MYO1E: variants seen among roughly 807,000 people sequenced by gnomAD.
MYO1E encodes myosin IE, also known as unconventional myosin-Ie.
A neutral mutation model predicts 151.1 loss-of-function variants in MYO1E; 68 were observed. The observed-to-expected ratio is 0.45, with a 90% CI of 0.37 to 0.55. The LOEUF is 0.55. Among genes scored for constraint, MYO1E ranks in the 20% least tolerant of loss-of-function variants. MYO1E has a pLI of 0.00. For synonymous variants in MYO1E, 601 were observed against 501.7 expected (o/e 1.20, Z -2.64); for missense variants, 1,363 against 1,389.3 (o/e 0.98, Z 0.30).
At chr15:59,261,980 T>C (rs776106557) in intron 2 of MYO1E, among the ~76,000 whole-genome samples, 1 of 151,858 alleles carries the variant, frequency 6.6e-6, no homozygotes, top group Non-Finnish European at 1.5e-5. Context: ...GGTGGGGAGA[T>C]CATTTGAGGT....
chr15:59,251,709 G>A (rs77757303), intron 4 of MYO1E, among the ~76,000 whole-genome samples: 2,500 of 152,280 alleles, frequency 0.016, 59 homozygotes, highest in African/African-American at 0.056. Flanking sequence ...CAGTGCTCAT[G>A]TTTTGCAGTA....
In MYO1E at chr15:59,137,200, G is replaced by A; in HGVS notation, c.*180C>T. On this transcript the variant is annotated 3_prime_UTR_variant, in exon 28 of 28. Transcript: ENST00000288235. ...GCTACCTTTTAGGATCACTTATGGAGTGATACTCCCTGTCCCCAACCCAGC... is the reference window on the plus strand; with the variant it reads ...GCTACCTTTTAGGATCACTTATGGAATGATACTCCCTGTCCCCAACCCAGC... 3.1e-6 allele frequency: 2 copies of A among 649,478 alleles called. No homozygotes were observed. The highest frequency in any genetic ancestry group is 2.8e-6 in the Non-Finnish European group (1 of 359,956). The allele number at this position is 649,478 out of a possible 1,614,324, so 40.2% of individuals were successfully genotyped here.
chr15:59,295,421 G>T (rs1206796066), intron 1 of MYO1E, among the ~76,000 whole-genome samples: 1 of 152,160 alleles, frequency 6.6e-6, no homozygotes, highest in Non-Finnish European at 1.5e-5. Flanking sequence ...CCTCGGTTAA[G>T]TAGGAAAATA....
chr15:59,372,204 C>G (rs545574773), intron 1 of MYO1E, among the ~76,000 whole-genome samples: 1 of 152,178 alleles, frequency 6.6e-6, no homozygotes, highest in East Asian at 1.9e-4. Context: ...CCCCTCGCAG[C>G]CGATGCGCCC....
chr15:59,181,163 T>C lies in MYO1E; in HGVS notation c.1905-2626A>G, dbSNP rs146765121. Among the ~76,000 whole-genome samples the C allele has an allele frequency of 1.4e-4, 21 of 152,296 alleles. No individual in the cohort carries two copies. In the East Asian group the frequency reaches 1.9e-3, roughly 14 times the overall value. On this transcript the variant is annotated intron_variant, in intron 18 of 27. Transcript: ENST00000288235. ...CTTTCCTGGGCTTCCTATTCCTCCT[T>C]CTCTCTTGCCCGTGAAGTGGAACGC... is the stretch of plus-strand genomic sequence containing the variant.
chr15:59,282,314 C>T (rs1422295184), intron 1 of MYO1E, among the ~76,000 whole-genome samples: 1 of 152,180 alleles, frequency 6.6e-6, no homozygotes, highest in African/African-American at 2.4e-5. Context: ...AAGCCCCCTG[C>T]TCTGTCTAGA....
At chr15:59,151,830 G>A (rs762322807) in intron 26 of MYO1E, among the ~76,000 whole-genome samples, 4 of 151,948 alleles carry the variant, frequency 2.6e-5, no homozygotes, top group African/African-American at 9.7e-5. Flanking sequence ...GGTGGATCAC[G>A]AGGTCAGGAG....
chr15:59,210,404 T>G (rs1407732564), intron 13 of MYO1E, 110 bp downstream of exon 13: 1 of 801,062 alleles, frequency 1.2e-6, no homozygotes, highest in African/African-American at 1.7e-5. Context: ...TCAAATTCTC[T>G]GCAAATCAGA....
intron 14 of MYO1E, chr15:59,207,908 C>A: frequency 6.2e-7 from 1 of 1,614,136 alleles, no homozygotes; most frequent in South Asian, 1.1e-5. Context: ...CATCCAGTTT[C>A]CACCATAATT....
At chr15:59,139,300 AC>A (rs1414701937) in intron 26 of MYO1E, among the ~76,000 whole-genome samples, 2 of 25,056 alleles carry the variant, frequency 8.0e-5, no homozygotes, top group Non-Finnish European at 1.3e-4. Context: ...CTTCCCTCCC[AC>A]CCCCCTCATT....
intron 1 of MYO1E, among the ~76,000 whole-genome samples, chr15:59,365,704 A>C (rs1392476395): frequency 6.6e-6 from 1 of 152,230 alleles, no homozygotes; most frequent in Non-Finnish European, 1.5e-5. Context: ...AAAGTGCTAT[A>C]AATGAATTTG....
At chr15:59,329,866 CA>C (rs2140422363) in intron 1 of MYO1E, among the ~76,000 whole-genome samples, 1 of 152,284 alleles carries the variant, frequency 6.6e-6, no homozygotes, top group African/African-American at 2.4e-5. Context: ...AATAATTTAC[CA>C]ATGACTGTAA....
intron 12 of MYO1E, among the ~76,000 whole-genome samples, chr15:59,213,462 C>T (rs759448917): frequency 3.3e-5 from 5 of 151,758 alleles, no homozygotes; most frequent in Non-Finnish European, 5.9e-5. Context: ...TGAGCCACTG[C>T]GCCTGGCTAT....
chr15:59,214,240 T>C lies in MYO1E; in HGVS notation c.1263A>G (p.Leu421=). ...KLQQIFIELT[L]KAEQEEYVQE... is the part of the protein sequence containing the mutation. ...AGGGACTGCTTACCTGTTCTGCCTT[T>C]AATGTCAGTTCAATAAAAATCTGCT... Residue 421 remains leucine, a synonymous_variant, in exon 12 of 28, where the codon TTA becomes TTG. Coordinates refer to ENST00000288235, the MANE Select transcript of MYO1E (RefSeq NM_004998.4). 1.2e-6 allele frequency: 2 copies of C among 1,612,202 alleles called. No homozygotes were observed. Among genetic ancestry groups the C allele is most frequent in the Non-Finnish European group, 1.7e-6 (2 of 1,178,630 alleles).
At chr15:59,178,686 G>A (rs1398636654) in intron 18 of MYO1E, 149 bp from the exon 19 acceptor site, 13 of 1,078,484 alleles carry the variant, frequency 1.2e-5, no homozygotes, top group Admixed American at 5.6e-5. Context: ...AGGCTCAGGC[G>A]TGGACTGCGA....
intron 1 of MYO1E, among the ~76,000 whole-genome samples, chr15:59,322,690 C>A (rs2080634631): frequency 6.6e-6 from 1 of 152,078 alleles, no homozygotes; most frequent in Non-Finnish European, 1.5e-5. Context: ...CTAATAGAGT[C>A]CTGACACAGA....
chr15:59,358,516 T>C (rs917761984), intron 1 of MYO1E, among the ~76,000 whole-genome samples: 1 of 151,992 alleles, frequency 6.6e-6, no homozygotes, highest in Non-Finnish European at 1.5e-5. Flanking sequence ...GAAAAGGCCA[T>C]CCCAGTTTTT....
In MYO1E at chr15:59,256,390, A is replaced by G; in HGVS notation, c.238-12T>C. 1 of 1,449,840 alleles carries G rather than the reference A, an allele frequency of 6.9e-7. No individual in the cohort carries two copies. Among genetic ancestry groups the G allele is most frequent in the Non-Finnish European group, 9.6e-7 (1 of 1,042,778 alleles). 89.8% of individuals were successfully genotyped at this position (1,449,840 alleles called of 1,614,324 possible). ...TTTTCATACTGTGCCTAGAAAAGCAAAAAATAATAATACATAAATAATAAT... is the reference window on the plus strand; with the variant it reads ...TTTTCATACTGTGCCTAGAAAAGCAGAAAATAATAATACATAAATAATAAT... On this transcript the variant is annotated splice_polypyrimidine_tract_variant and intron_variant, in intron 3 of 27. Coordinates refer to ENST00000288235, the MANE Select transcript of MYO1E (RefSeq NM_004998.4).
chr15:59,177,370 G>C (rs1338410073), intron 19 of MYO1E, among the ~76,000 whole-genome samples: 1 of 152,154 alleles, frequency 6.6e-6, no homozygotes, highest in African/African-American at 2.4e-5. Flanking sequence ...GAGGCAGGCA[G>C]AAACAGTGGC....
Sources: allele counts gnomAD v4.1 joint callset (sites outside exome capture counted in the v4.1 genomes callset), GRCh38; gene constraint gnomAD v4.1.1; transcripts MANE v1.5; gene names NCBI Gene and HGNC (gene_info 2026-07-23, HGNC 2026-07-21).